GFOD1: variants seen among roughly 807,000 people sequenced by gnomAD.
The protein encoded by GFOD1 is Gfo/Idh/MocA-like oxidoreductase domain containing 1.
Under a neutral mutation model 25.4 loss-of-function variants are expected in GFOD1, and 9 were observed. The observed-to-expected ratio is 0.35, with a 90% CI of 0.21 to 0.62. The LOEUF (loss-of-function observed/expected upper bound fraction) is 0.62, where lower values mean the gene tolerates loss of function less well. Ranked by LOEUF, GFOD1 falls within the 20% of genes least tolerant of loss-of-function variation. GFOD1 has a pLI of 0.72. For synonymous variants in GFOD1, 253 were observed against 245.6 expected, an observed-to-expected ratio of 1.03 and a Z score of -0.28; for missense variants, 403 against 556.9, an observed-to-expected ratio of 0.72 and a Z score of 2.78.
At chr6:13,421,305 C>T (rs1205232446) in intron 1 of GFOD1, among the ~76,000 whole-genome samples, 5 of 152,026 alleles carry the variant, frequency 3.3e-5, no homozygotes, top group African/African-American at 7.2e-5. Flanking sequence ...CTGGGCAACA[C>T]GGCAAGACCC....
At chr6:13,471,178 G>A (rs1030188455) in intron 1 of GFOD1, among the ~76,000 whole-genome samples, 1 of 152,070 alleles carries the variant, frequency 6.6e-6, no homozygotes, top group Non-Finnish European at 1.5e-5. Context: ...CCTCCCCCTG[G>A]CCCAGGTCCT....
Position 13,368,455 on chromosome 6 carries a change from CCG to C in GFOD1, c.254-2795_254-2794del, listed in dbSNP as rs200869080. On this transcript the variant is annotated intron_variant, in intron 1 of 1. Transcript: ENST00000379287. ...AACATTATGTTCTGACAATATGATCCCGTAGGCATAAGGCTCATCTAACACCA... is the reference window on the plus strand; with the variant it reads ...AACATTATGTTCTGACAATATGATCCTAGGCATAAGGCTCATCTAACACCA... Among the ~76,000 whole-genome samples, 1,187 of 152,250 alleles carry C rather than the reference CCG, an allele frequency of 7.8e-3. 11 individuals carry two copies. The highest frequency in any genetic ancestry group is 0.017 in the Middle Eastern group (5 of 294).
intron 1 of GFOD1, among the ~76,000 whole-genome samples, chr6:13,479,978 T>A (rs1471552319): frequency 6.6e-6 from 1 of 152,210 alleles, no homozygotes; most frequent in East Asian, 1.9e-4. Flanking sequence ...AAGTGCATCA[T>A]GAGCATTATC....
chr6:13,453,356 T>C (rs1161747246), intron 1 of GFOD1, among the ~76,000 whole-genome samples: 1 of 152,222 alleles, frequency 6.6e-6, no homozygotes, highest in Admixed American at 6.5e-5. Flanking sequence ...CATTTTTGTA[T>C]GCACCTCACT....
At chr6:13,477,216 GGTGTGTGT>G (rs60649261) in intron 1 of GFOD1, among the ~76,000 whole-genome samples, 1 of 140,770 alleles carries the variant, frequency 7.1e-6, no homozygotes, top group African/African-American at 2.7e-5. Context: ...ACCAATAGGG[GGTGTGTGT>G]GTGTGTGTGT....
chr6:13,386,315 C>A (rs79677510), intron 1 of GFOD1, among the ~76,000 whole-genome samples: 1 of 152,090 alleles, frequency 6.6e-6, no homozygotes, highest in South Asian at 2.1e-4. Context: ...GGTCCAAATC[C>A]CCCTTTTCAT....
intron 1 of GFOD1, among the ~76,000 whole-genome samples, chr6:13,444,727 T>C (rs1337637544): frequency 6.6e-6 from 1 of 152,182 alleles, no homozygotes; most frequent in Non-Finnish European, 1.5e-5. Flanking sequence ...TTAGACATAA[T>C]ACTACTGCAC....
chr6:13,391,717 C>A (rs964318378), intron 1 of GFOD1, among the ~76,000 whole-genome samples: 1 of 152,154 alleles, frequency 6.6e-6, no homozygotes. Flanking sequence ...AGCTCTACCA[C>A]GTATCTGGAC....
chr6:13,428,859 A>G (rs1284179538), intron 1 of GFOD1, among the ~76,000 whole-genome samples: 1 of 152,224 alleles, frequency 6.6e-6, no homozygotes, highest in Non-Finnish European at 1.5e-5. Flanking sequence ...AATTCTAGCA[A>G]GAAGGTCCAC....
chr6:13,372,907 G>T (rs1785178998), intron 1 of GFOD1, among the ~76,000 whole-genome samples: 2 of 152,318 alleles, frequency 1.3e-5, no homozygotes, highest in South Asian at 4.1e-4. Context: ...CAAAACGGAT[G>T]CTAGTTCTGC....
chr6:13,414,425 G>A (rs1227294556), intron 1 of GFOD1, among the ~76,000 whole-genome samples: 1 of 152,176 alleles, frequency 6.6e-6, no homozygotes, highest in Non-Finnish European at 1.5e-5. Flanking sequence ...AGGCTTAAGA[G>A]GCTGAGAAGC....
chr6:13,365,147 G>T lies in GFOD1; in HGVS notation c.769C>A (p.Arg257Ser). The part of the protein sequence containing the change: ...QDVTVVGSAG[R>S]LLAVGTDLYG... ...AGGTCGGTGCCCACGGCCAGCAGGCGCCCGGCTGAGCCCACCACAGTGACA... is the reference window on the plus strand; with the variant it reads ...AGGTCGGTGCCCACGGCCAGCAGGCTCCCGGCTGAGCCCACCACAGTGACA... The change falls in exon 2 of 2, where the codon CGC becomes AGC. Residue 257 changes from arginine to serine, a missense_variant. Coordinates refer to ENST00000379287, the MANE Select transcript of GFOD1 (RefSeq NM_018988.4). This position sits in a 1 kb window ranked among gnomAD's most constrained non-coding sequence, Gnocchi z 9.2. 6.2e-7 allele frequency: 1 copy of T among 1,613,258 alleles called. No individual in the cohort carries two copies. Among genetic ancestry groups the T allele is most frequent in the Non-Finnish European group, 8.5e-7 (1 of 1,179,844 alleles).
At chr6:13,367,000 A>C (rs1266994302) in intron 1 of GFOD1, among the ~76,000 whole-genome samples, 1 of 151,988 alleles carries the variant, frequency 6.6e-6, no homozygotes, top group East Asian at 1.9e-4. Flanking sequence ...TTAAATACAA[A>C]ATATTAGATA....
chr6:13,375,847 G>T (rs1785244885), intron 1 of GFOD1, among the ~76,000 whole-genome samples: 3 of 152,182 alleles, frequency 2.0e-5, no homozygotes, highest in Admixed American at 2.0e-4. Flanking sequence ...ACTATCACAT[G>T]TGTAATGAGC....
chr6:13,477,225 G>A (rs946546522), intron 1 of GFOD1, among the ~76,000 whole-genome samples: 1 of 147,834 alleles, frequency 6.8e-6, no homozygotes, highest in African/African-American at 2.5e-5. Context: ...GGGTGTGTGT[G>A]TGTGTGTGTG....
chr6:13,470,406 G>A, intron 1 of GFOD1: 1 of 1,549,598 alleles, frequency 6.5e-7, no homozygotes, highest in Non-Finnish European at 8.7e-7. Flanking sequence ...CTGCCTCTGT[G>A]CCCTGGATGT....
intron 1 of GFOD1, among the ~76,000 whole-genome samples, chr6:13,417,158 C>T (rs894022626): frequency 3.3e-5 from 5 of 152,210 alleles, no homozygotes; most frequent in Admixed American, 6.5e-5. Context: ...AACTCTAGTA[C>T]TCCATGTTCG....
intron 1 of GFOD1, among the ~76,000 whole-genome samples, chr6:13,433,145 G>A (rs1757779585): frequency 7.0e-6 from 1 of 143,668 alleles, no homozygotes; most frequent in Non-Finnish European, 1.5e-5. Flanking sequence ...TTGAGATGGA[G>A]TTTCACTCTT....
At chr6:13,420,075 A>T (rs1046444255) in intron 1 of GFOD1, among the ~76,000 whole-genome samples, 8 of 152,168 alleles carry the variant, frequency 5.3e-5, no homozygotes, top group African/African-American at 1.9e-4. Context: ...CTGGTGTCTG[A>T]GACAATGGCC....
Sources: gnomAD v4.1 joint callset for allele counts (sites outside exome capture counted in the v4.1 genomes callset) on GRCh38, gnomAD v4.1.1 for gene constraint, Gnocchi (gnomAD v3.1) non-coding constraint, MANE v1.5 for transcripts, NCBI Gene and HGNC (gene_info 2026-07-23, HGNC 2026-07-21) for gene names.